The following PPP3CA variants were observed in gnomAD, a reference collection of about 807,000 sequenced individuals.
PPP3CA encodes the protein CAM-PRP catalytic subunit.
PPP3CA carries 14 observed loss-of-function variants against 66.5 expected under a neutral mutation model. That is an observed-to-expected ratio of 0.21 (90% CI 0.14 to 0.33). The LOEUF (loss-of-function observed/expected upper bound fraction) is 0.33, where lower values mean the gene tolerates loss of function less well. PPP3CA is among the 10% of genes least tolerant of loss of function. The probability of loss-of-function intolerance (pLI) is 1.00; values close to 1 mark genes in which losing one functional copy is unlikely to be tolerated. For synonymous variants in PPP3CA, 232 were observed against 226.2 expected (o/e 1.03, Z -0.23); for missense variants, 317 against 639.5 (o/e 0.50, Z 5.44).
At chr4:101,285,616 T>C (rs1727821696) in intron 1 of PPP3CA, among the ~76,000 whole-genome samples, 2 of 143,356 alleles carry the variant, frequency 1.4e-5, no homozygotes, top group African/African-American at 5.4e-5. Flanking sequence ...TGTGTGTGTG[T>C]GTGTGTGTGT....
chr4:101,073,267 C>G (rs1349461653), intron 8 of PPP3CA, among the ~76,000 whole-genome samples: 1 of 149,792 alleles, frequency 6.7e-6, no homozygotes, highest in Non-Finnish European at 1.5e-5. Flanking sequence ...AGTGTATATA[C>G]ACACTTACAT....
intron 12 of PPP3CA, among the ~76,000 whole-genome samples, chr4:101,030,821 AC>A (rs1360050803): frequency 2.0e-5 from 3 of 152,108 alleles, no homozygotes; most frequent in Non-Finnish European, 2.9e-5. Flanking sequence ...CTGATAATAC[AC>A]TTGCTGTGCC....
intron 1 of PPP3CA, among the ~76,000 whole-genome samples, chr4:101,293,853 G>A (rs1009725280): frequency 6.6e-5 from 10 of 152,234 alleles, no homozygotes; most frequent in Admixed American, 4.6e-4. Context: ...TTTATTGTTT[G>A]CTTATTTTTT....
intron 9 of PPP3CA, 55 bp from the exon 10 acceptor site, chr4:101,061,216 T>A (rs929875372): frequency 2.1e-6 from 3 of 1,448,116 alleles, no homozygotes; most frequent in Non-Finnish European, 2.9e-6. Flanking sequence ...TAACCTTAAC[T>A]ATTACTCTGG....
chr4:101,291,689 G>C (rs746426197), intron 1 of PPP3CA, among the ~76,000 whole-genome samples: 1 of 152,210 alleles, frequency 6.6e-6, no homozygotes, highest in Non-Finnish European at 1.5e-5. Context: ...ATGAATATCT[G>C]TAATAGCAAA....
chr4:101,124,799 G>T (rs931985993), intron 2 of PPP3CA, among the ~76,000 whole-genome samples: 9 of 100,324 alleles, frequency 9.0e-5, no homozygotes. Context: ...AAGAAAGAAA[G>T]AGAAAACTGT....
intron 2 of PPP3CA, among the ~76,000 whole-genome samples, chr4:101,157,371 T>C (rs893397921): frequency 6.6e-6 from 1 of 152,138 alleles, no homozygotes; most frequent in African/African-American, 2.4e-5. Context: ...TTCCAGGCAT[T>C]TGTGTCAAGA....
chr4:101,295,820 C>T (rs1295057337), intron 1 of PPP3CA, among the ~76,000 whole-genome samples: 1 of 152,116 alleles, frequency 6.6e-6, no homozygotes, highest in Non-Finnish European at 1.5e-5. Flanking sequence ...GTTTGGAATC[C>T]CAGAGGAAAG....
intron 1 of PPP3CA, among the ~76,000 whole-genome samples, chr4:101,198,041 T>A (rs988760281): frequency 6.6e-6 from 1 of 152,202 alleles, no homozygotes; most frequent in African/African-American, 2.4e-5. Flanking sequence ...TTATTTTGAG[T>A]AGCTTATAGT....
intron 2 of PPP3CA, among the ~76,000 whole-genome samples, chr4:101,177,059 A>T (rs1443081919): frequency 6.6e-6 from 1 of 152,174 alleles, no homozygotes; most frequent in East Asian, 1.9e-4. Context: ...AAAGAAACAC[A>T]TGTAGGAGTG....
intron 1 of PPP3CA, among the ~76,000 whole-genome samples, chr4:101,339,783 G>A (rs1469545456): frequency 2.0e-5 from 3 of 152,130 alleles, no homozygotes; most frequent in African/African-American, 7.2e-5. Flanking sequence ...CTAAAACTCT[G>A]AATACAAATA....
chr4:101,092,379 A>G lies in PPP3CA; in HGVS notation c.782+1397T>C, dbSNP rs570311799. Among the ~76,000 whole-genome samples, 7 of 152,070 alleles carry G rather than the reference A, an allele frequency of 4.6e-5. No homozygotes were observed. The South Asian group carries it at 1.2e-3, about 27-fold the overall frequency. ...GAAACTGGTAAAACTTTTAAATGTG[A>G]TAACATAATTGAATTAAAACAAGGC... On this transcript the variant is annotated intron_variant, in intron 6 of 13. Transcript: ENST00000394854.
chr4:101,328,790 T>C (rs1019583138), intron 1 of PPP3CA, among the ~76,000 whole-genome samples: 1 of 152,152 alleles, frequency 6.6e-6, no homozygotes, highest in Non-Finnish European at 1.5e-5. Context: ...TAATCTGTGA[T>C]CCATGGTTTT....
At chr4:101,104,462 T>TC (rs1730571941) in intron 3 of PPP3CA, among the ~76,000 whole-genome samples, 1 of 151,854 alleles carries the variant, frequency 6.6e-6, no homozygotes, top group South Asian at 2.1e-4. Flanking sequence ...TGATTTTTTT[T>TC]TTTCGTGGTG....
At chr4:101,315,370 CCA>C (rs1407814828) in intron 1 of PPP3CA, among the ~76,000 whole-genome samples, 1 of 152,128 alleles carries the variant, frequency 6.6e-6, no homozygotes, top group Non-Finnish European at 1.5e-5. Flanking sequence ...CAGTACAACC[CCA>C]GTTTTATAAA....
chr4:101,253,339 C>T (rs915957113), intron 1 of PPP3CA, among the ~76,000 whole-genome samples: 1 of 152,088 alleles, frequency 6.6e-6, no homozygotes, highest in Non-Finnish European at 1.5e-5. Context: ...CACCGTTCCA[C>T]CATCTGCTCT....
intron 1 of PPP3CA, chr4:101,330,506 G>A (rs1157898102): frequency 8.0e-6 from 4 of 501,784 alleles, no homozygotes; most frequent in Admixed American, 2.2e-5. Flanking sequence ...TTTTTTAAGT[G>A]AAGTATGTAC....
intron 2 of PPP3CA, among the ~76,000 whole-genome samples, chr4:101,125,536 C>T (rs1409538915): frequency 2.0e-5 from 3 of 152,078 alleles, no homozygotes; most frequent in African/African-American, 7.2e-5. Context: ...GTCATGTGTT[C>T]ACTCCCTCCT....
intron 1 of PPP3CA, among the ~76,000 whole-genome samples, chr4:101,340,086 G>C (rs1224580655): frequency 6.6e-6 from 1 of 152,138 alleles, no homozygotes; most frequent in African/African-American, 2.4e-5. Flanking sequence ...TTTCACAGTT[G>C]TCAAAAGTAC....
Sources: gnomAD v4.1 joint callset for allele counts (sites outside exome capture counted in the v4.1 genomes callset) on GRCh38, gnomAD v4.1.1 for gene constraint, MANE v1.5 for transcripts, NCBI Gene and HGNC (gene_info 2026-07-23, HGNC 2026-07-21) for gene names.